EMILIN2: variants seen among roughly 807,000 people sequenced by gnomAD.
EMILIN2 encodes the protein EMILIN-2.
A neutral mutation model predicts 87.1 loss-of-function variants in EMILIN2; 71 were observed. That is an observed-to-expected ratio of 0.82 (90% confidence interval 0.67 to 0.99). The LOEUF is 0.99. Ranked by LOEUF, EMILIN2 falls within the 50% of genes least tolerant of loss-of-function variation. The pLI is 0.00. For missense variants in EMILIN2, 1,407 were observed against 1,371.8 expected (o/e 1.03, Z -0.40); for synonymous variants, 581 against 563.4 (o/e 1.03, Z -0.44).
intron 4 of EMILIN2, among the ~76,000 whole-genome samples, chr18:2,898,764 A>G (rs908276476): frequency 1.3e-5 from 2 of 152,248 alleles, no homozygotes; most frequent in African/African-American, 4.8e-5. Flanking sequence ...TGGCCAGGGC[A>G]CTGCCTGATG....
intron 7 of EMILIN2, among the ~76,000 whole-genome samples, chr18:2,910,064 C>CT (rs2076933503): frequency 6.6e-6 from 1 of 152,144 alleles, no homozygotes; most frequent in African/African-American, 2.4e-5. Flanking sequence ...GAGGTCAACA[C>CT]GCTAGTCCTC....
chr18:2,888,500 G>A (rs2076814318), intron 3 of EMILIN2, among the ~76,000 whole-genome samples: 1 of 152,012 alleles, frequency 6.6e-6, no homozygotes, highest in African/African-American at 2.4e-5. Flanking sequence ...TGGATCACAA[G>A]GTCAGGAGAT....
In EMILIN2 at chr18:2,891,200, A is replaced by G; in HGVS notation, c.1073A>G (p.Tyr358Cys). 1 of 1,614,226 alleles carries G rather than the reference A, an allele frequency of 6.2e-7. No homozygotes were observed. Among genetic ancestry groups the G allele is most frequent in the Non-Finnish European group, 8.5e-7 (1 of 1,180,042 alleles). The change falls in exon 4 of 8, where the codon TAT becomes TGT. Residue 358 changes from tyrosine (Y) to cysteine (C), a missense_variant. By Grantham distance (194) the Tyr-to-Cys change is radical. Coordinates refer to ENST00000254528, the MANE Select transcript of EMILIN2 (RefSeq NM_032048.3). This position sits in a 1 kb window ranked among gnomAD's most constrained non-coding sequence, Gnocchi z 4.6. ...LTGLQQQCDD[Y>C]GSSYLGVIEL... ...GGCCTCCAGCAGCAGTGTGATGACT[A>G]TGGGAGCAGCTACCTGGGAGTGATA...
At chr18:2,882,415 T>C (rs1227888587) in intron 2 of EMILIN2, among the ~76,000 whole-genome samples, 2 of 152,196 alleles carry the variant, frequency 1.3e-5, no homozygotes, top group Non-Finnish European at 1.5e-5. Flanking sequence ...CACAGTTTCC[T>C]GGGTGATTCT....
intron 3 of EMILIN2, among the ~76,000 whole-genome samples, chr18:2,886,711 T>A (rs763557307): frequency 3.3e-5 from 5 of 152,238 alleles, no homozygotes; most frequent in Non-Finnish European, 5.9e-5. Flanking sequence ...ATGAATAGAT[T>A]TTCTTTCCTA....
At chr18:2,878,475 G>A (rs2076760747) in intron 2 of EMILIN2, among the ~76,000 whole-genome samples, 1 of 151,360 alleles carries the variant, frequency 6.6e-6, no homozygotes, top group East Asian at 1.9e-4. Flanking sequence ...GGGCAACAGA[G>A]TGAGACTCTG....
chr18:2,858,553 A>AGCTGAGTAG (rs2076640944), intron 2 of EMILIN2, among the ~76,000 whole-genome samples: 1 of 50,054 alleles, frequency 2.0e-5, no homozygotes, highest in Admixed American at 2.0e-4. Flanking sequence ...ATATATATAT[A>AGCTGAGTAG]TATATATATA....
chr18:2,903,680 A>G (rs2076897813), intron 4 of EMILIN2, among the ~76,000 whole-genome samples: 1 of 152,116 alleles, frequency 6.6e-6, no homozygotes, highest in Non-Finnish European at 1.5e-5. Context: ...TGTTGCTTAT[A>G]TCCTATGTAT....
At chr18:2,888,488 G>A (rs2076814233) in intron 3 of EMILIN2, among the ~76,000 whole-genome samples, 1 of 151,988 alleles carries the variant, frequency 6.6e-6, no homozygotes, top group Admixed American at 6.6e-5. Flanking sequence ...GGCCGAGGCG[G>A]GTGGATCACA....
chr18:2,859,031 C>T (rs1300513336), intron 2 of EMILIN2, among the ~76,000 whole-genome samples: 2 of 152,072 alleles, frequency 1.3e-5, no homozygotes, highest in Non-Finnish European at 2.9e-5. Flanking sequence ...TAAATATTTA[C>T]GTGTAAGTAT....
chr18:2,896,373 A>C (rs945026464), intron 4 of EMILIN2, among the ~76,000 whole-genome samples: 2 of 152,000 alleles, frequency 1.3e-5, no homozygotes, highest in African/African-American at 4.8e-5. Flanking sequence ...ACAAGGTTTC[A>C]CCATGTTAGT....
intron 4 of EMILIN2, among the ~76,000 whole-genome samples, chr18:2,905,931 G>A (rs2076909644): frequency 6.6e-6 from 1 of 152,102 alleles, no homozygotes; most frequent in Non-Finnish European, 1.5e-5. Flanking sequence ...GCCCGCTTAG[G>A]GAGTTTTAAA....
intron 2 of EMILIN2, among the ~76,000 whole-genome samples, chr18:2,867,495 C>G (rs677518): frequency 1.6e-4 from 25 of 152,062 alleles, no homozygotes; most frequent in Admixed American, 1.6e-3. Context: ...GAGGACCCTG[C>G]GGCCTTCCGC....
rs555739867 is a variant in EMILIN2 at position 2,894,579 on chromosome 18, G to A, written c.2359+2093G>A. Among the ~76,000 whole-genome samples, 15 of 152,338 alleles carry A rather than the reference G, an allele frequency of 9.8e-5. No homozygotes were observed. The highest frequency in any genetic ancestry group is 2.9e-4 in the African/African-American group (12 of 41,584). ...AGTTGATTTGGAACTCCCTGGTGGCGTGGGAAGCTGTGTTAACATTTTCGC... is the reference window on the plus strand; with the variant it reads ...AGTTGATTTGGAACTCCCTGGTGGCATGGGAAGCTGTGTTAACATTTTCGC... On this transcript the variant is annotated intron_variant, in intron 4 of 7. Coordinates refer to ENST00000254528, the MANE Select transcript of EMILIN2 (RefSeq NM_032048.3). The surrounding 1 kb of genome is among the most constrained non-coding windows in gnomAD (Gnocchi z 5.0).
At position 2,847,115 on chromosome 18, in the gene EMILIN2, G is replaced by T; in HGVS notation, c.-74G>T. On this transcript the variant is annotated 5_prime_UTR_variant, in exon 1 of 8. Transcript: ENST00000254528. This position sits in a 1 kb window ranked among gnomAD's most constrained non-coding sequence, Gnocchi z 4.5. ...TTCGCGGGCGGCGCCCTGGCCGCCG[G>T]CAGCCTTGTGGCCGGTGCCCCGATC... The T allele has an allele frequency of 9.3e-7, 1 of 1,074,702 alleles. No homozygotes were observed. Among genetic ancestry groups the T allele is most frequent in the Non-Finnish European group, 1.1e-6 (1 of 883,638 alleles). 66.6% of individuals were successfully genotyped at this position (1,074,702 alleles called of 1,614,324 possible).
At chr18:2,911,850 T>TC (rs2076942398) in intron 7 of EMILIN2, among the ~76,000 whole-genome samples, 1 of 152,088 alleles carries the variant, frequency 6.6e-6, no homozygotes, top group Non-Finnish European at 1.5e-5. Context: ...CACAGGCGAC[T>TC]CTGAACAAAG....
intron 2 of EMILIN2, among the ~76,000 whole-genome samples, chr18:2,855,111 C>T (rs533849121): frequency 6.6e-6 from 1 of 152,172 alleles, no homozygotes; most frequent in African/African-American, 2.4e-5. Flanking sequence ...GCCCAGCCCT[C>T]GAGAGCTGCA....
At chr18:2,867,451 A>G (rs1239087628) in intron 2 of EMILIN2, among the ~76,000 whole-genome samples, 2 of 152,156 alleles carry the variant, frequency 1.3e-5, no homozygotes, top group African/African-American at 2.4e-5. Flanking sequence ...CAGCAGATAA[A>G]CAAGTGAACA....
chr18:2,870,405 A>C (rs906118031), intron 2 of EMILIN2, among the ~76,000 whole-genome samples: 2 of 152,226 alleles, frequency 1.3e-5, no homozygotes, highest in African/African-American at 2.4e-5. Context: ...TATTTGTTTC[A>C]TTAAACAAAT....
Sources: gnomAD v4.1 joint callset for allele counts (sites outside exome capture counted in the v4.1 genomes callset) on GRCh38, gnomAD v4.1.1 for gene constraint, Gnocchi (gnomAD v3.1) non-coding constraint, MANE v1.5 for transcripts, NCBI Gene and HGNC (gene_info 2026-07-23, HGNC 2026-07-21) for gene names.